CTNNA3: variants seen among roughly 807,000 people sequenced by gnomAD.
CTNNA3 encodes catenin alpha 3.
Under a neutral mutation model 95.7 loss-of-function variants are expected in CTNNA3, and 76 were observed. The observed-to-expected ratio is 0.79, with a 90% CI of 0.66 to 0.96. CTNNA3 has a LOEUF of 0.96. CTNNA3 is among the 40% of genes least tolerant of loss of function. The pLI is 0.00. For missense variants in CTNNA3, 1,191 were observed against 1,089.8 expected (o/e 1.09, Z -1.31); for synonymous variants, 431 against 374.4 (o/e 1.15, Z -1.74).
At chr10:66,727,911 T>C (rs550173521) in intron 9 of CTNNA3, among the ~76,000 whole-genome samples, 1 of 152,156 alleles carries the variant, frequency 6.6e-6, no homozygotes, top group African/African-American at 2.4e-5. Context: ...ATAAAGGAGA[T>C]GTTTGTGGAT....
At chr10:66,309,345 C>T (rs73303404) in intron 12 of CTNNA3, among the ~76,000 whole-genome samples, 2 of 152,014 alleles carry the variant, frequency 1.3e-5, no homozygotes, top group African/African-American at 4.8e-5. Flanking sequence ...CACAAATAGA[C>T]GCTTCTAATA....
Position 66,552,174 on chromosome 10 carries a change from A to G in CTNNA3, c.1375-31401T>C, listed in dbSNP as rs368401764. Among the ~76,000 whole-genome samples, 365 of 152,150 alleles carry G rather than the reference A, an allele frequency of 2.4e-3. 2 individuals are homozygous for G. Among genetic ancestry groups the G allele is most frequent in the African/African-American group, 8.1e-3 (336 of 41,496 alleles). ...CGCCTTGGCCTCCCAAGGTGCTGGG[A>G]TTATAGGCATGAGCCACCACTCTTG... is the stretch of plus-strand genomic sequence containing the variant. On this transcript the variant is annotated intron_variant, in intron 10 of 17. Coordinates refer to ENST00000433211, the MANE Select transcript of CTNNA3 (RefSeq NM_013266.4).
Position 67,017,752 on chromosome 10 carries a change from T to C in CTNNA3, c.1047+162565A>G, listed in dbSNP as rs199805887. ...GTGTGTGTGTGTGTGTGTGTGTGTG[T>C]GCGCGCGTACAATTTTATGTGTACA... is the stretch of plus-strand genomic sequence containing the variant. On this transcript the variant is annotated intron_variant, in intron 7 of 17. Transcript: ENST00000433211. 5.2e-3 allele frequency among the ~76,000 whole-genome samples: 757 copies of C among 145,952 alleles called. 4 individuals carry two copies. Among genetic ancestry groups the C allele is most frequent in the African/African-American group, 0.015 (578 of 39,246 alleles).
intron 7 of CTNNA3, among the ~76,000 whole-genome samples, chr10:66,946,593 G>C (rs1848287160): frequency 6.6e-6 from 1 of 151,896 alleles, no homozygotes; most frequent in South Asian, 2.1e-4. Context: ...AACAGCATAG[G>C]GTAGCTTTAT....
At chr10:66,874,887 A>G in intron 7 of CTNNA3, among the ~76,000 whole-genome samples, 1 of 152,196 alleles carries the variant, frequency 6.6e-6, no homozygotes, top group East Asian at 1.9e-4. Flanking sequence ...ATGCTAGGGA[A>G]CCAGAAACAG....
chr10:66,601,839 C>T (rs549108067), intron 10 of CTNNA3, among the ~76,000 whole-genome samples: 7 of 151,952 alleles, frequency 4.6e-5, no homozygotes, highest in South Asian at 2.1e-4. Flanking sequence ...CCCAGATCGT[C>T]GCCCCAACCA....
chr10:66,606,993 T>A (rs1844145846), intron 10 of CTNNA3, among the ~76,000 whole-genome samples: 1 of 152,038 alleles, frequency 6.6e-6, no homozygotes, highest in African/African-American at 2.4e-5. Flanking sequence ...ATCCAGGAGT[T>A]GGTTTTTTGA....
At position 66,477,731 on chromosome 10, in the gene CTNNA3, C is replaced by T. The variant is rs555687369; in HGVS notation, c.1531+42886G>A. Among the ~76,000 whole-genome samples the T allele has an allele frequency of 5.3e-5, 8 of 152,104 alleles. No homozygotes were observed. In the South Asian group the frequency reaches 1.2e-3, roughly 24 times the overall value. On this transcript the variant is annotated intron_variant, in intron 11 of 17. Transcript: ENST00000433211. ...TAGGGCAATACAAACTATAACTTCA[C>T]ACATCAGGAGGCCCTTCATATCACA...
intron 5 of CTNNA3, among the ~76,000 whole-genome samples, chr10:67,269,503 C>A (rs1838867021): frequency 6.6e-6 from 1 of 152,098 alleles, no homozygotes; most frequent in African/African-American, 2.4e-5. Flanking sequence ...GCAAGCAACA[C>A]ATGCATTGAG....
intron 13 of CTNNA3, among the ~76,000 whole-genome samples, chr10:66,199,785 ATATATATATATATATATATATTTTT>A (rs1487012035): frequency 1.8e-4 from 2 of 11,036 alleles, no homozygotes; most frequent in Non-Finnish European, 3.2e-4. Context: ...ATATATATAT[ATATATATATATATATATATATTTTT>A]TTTTTTTTTT....
In CTNNA3 at chr10:67,338,555, A is replaced by C. The variant is rs74817776; in HGVS notation, c.580-118685T>G. ...TATACAAATGCCAATAAAGCCCAGG[A>C]GAGAAAATAACAGAAAAAAAAATTG... On this transcript the variant is annotated intron_variant, in intron 5 of 17. Coordinates refer to ENST00000433211, the MANE Select transcript of CTNNA3 (RefSeq NM_013266.4). Among the ~76,000 whole-genome samples, 740 of 152,260 alleles carry C rather than the reference A, an allele frequency of 4.9e-3. 6 individuals are homozygous for C. Among genetic ancestry groups the C allele is most frequent in the African/African-American group, 0.017 (699 of 41,548 alleles).
At chr10:66,420,859 C>A (rs973477617) in intron 11 of CTNNA3, among the ~76,000 whole-genome samples, 3 of 136,144 alleles carry the variant, frequency 2.2e-5, no homozygotes, top group Admixed American at 7.1e-5. Context: ...ATGGAGATTT[C>A]TCAAACAAAC....
chr10:67,169,859 C>T (rs950611276), intron 7 of CTNNA3, among the ~76,000 whole-genome samples: 3 of 152,120 alleles, frequency 2.0e-5, no homozygotes, highest in African/African-American at 7.2e-5. Context: ...TATTTGCAAA[C>T]TATGCATCTG....
chr10:65,951,619 C>A (rs1389758113), intron 17 of CTNNA3, among the ~76,000 whole-genome samples: 1 of 151,980 alleles, frequency 6.6e-6, no homozygotes, highest in African/African-American at 2.4e-5. Context: ...TAATACCACC[C>A]ACTCCTCTCC....
chr10:67,665,031 A>G (rs750317075), intron 1 of CTNNA3, among the ~76,000 whole-genome samples: 38 of 152,356 alleles, frequency 2.5e-4, no homozygotes, highest in Middle Eastern at 3.4e-3. Flanking sequence ...TGTCTAAAGT[A>G]TGTAAAGTTT....
chr10:66,117,388 T>C (rs952556566), intron 13 of CTNNA3, among the ~76,000 whole-genome samples: 3 of 152,180 alleles, frequency 2.0e-5, no homozygotes, highest in African/African-American at 7.2e-5. Flanking sequence ...TGAAGTTCTG[T>C]TGAATAAATA....
intron 7 of CTNNA3, among the ~76,000 whole-genome samples, chr10:67,103,910 A>G (rs1471778845): frequency 6.6e-6 from 1 of 151,744 alleles, no homozygotes; most frequent in African/African-American, 2.4e-5. Context: ...AAAAACAACA[A>G]CAACAACAAT....
At chr10:66,789,973 T>A (rs967912830) in intron 7 of CTNNA3, among the ~76,000 whole-genome samples, 1 of 152,138 alleles carries the variant, frequency 6.6e-6, no homozygotes, top group African/African-American at 2.4e-5. Flanking sequence ...CAATTGCTGA[T>A]GGAGGAGTGA....
At chr10:67,212,558 A>T (rs1461228160) in intron 6 of CTNNA3, among the ~76,000 whole-genome samples, 1 of 151,912 alleles carries the variant, frequency 6.6e-6, no homozygotes, top group African/African-American at 2.4e-5. Context: ...AGTGTTTTTA[A>T]TTACTCAAAT....
Sources: allele counts gnomAD v4.1 joint callset (sites outside exome capture counted in the v4.1 genomes callset), GRCh38; gene constraint gnomAD v4.1.1; transcripts MANE v1.5; gene names NCBI Gene and HGNC (gene_info 2026-07-23, HGNC 2026-07-21).